INTS14: variants seen among roughly 807,000 people sequenced by gnomAD.
INTS14 encodes UPF0464 protein C15orf44.
A neutral mutation model predicts 56.9 loss-of-function variants in INTS14; 27 were observed. The observed-to-expected ratio is 0.47, with a 90% CI of 0.35 to 0.65. The LOEUF (loss-of-function observed/expected upper bound fraction) is 0.65, where lower values mean the gene tolerates loss of function less well. INTS14 is among the 30% of genes least tolerant of loss of function. INTS14 has a pLI of 0.00. For missense variants in INTS14, 517 were observed against 632.2 expected (o/e 0.82, Z 1.95); for synonymous variants, 207 against 236.2 (o/e 0.88, Z 1.13).
intron 3 of INTS14, among the ~76,000 whole-genome samples, chr15:65,604,114 C>G (rs750531094): frequency 2.6e-5 from 4 of 152,176 alleles, no homozygotes; most frequent in African/African-American, 9.6e-5. Flanking sequence ...CACACAGTCT[C>G]GCTCTGTCGC....
At chr15:65,599,196 C>T (rs995404948) in intron 4 of INTS14, among the ~76,000 whole-genome samples, 1 of 152,172 alleles carries the variant, frequency 6.6e-6, no homozygotes. Context: ...ACAGGTAGAG[C>T]TATTTCATTC....
intron 1 of INTS14, among the ~76,000 whole-genome samples, chr15:65,608,364 CAA>C (rs35399300): frequency 0.028 from 1,791 of 63,928 alleles, 27 homozygotes; most frequent in African/African-American, 0.097. Flanking sequence ...GGCTCCATCT[CAA>C]AAAAAAAAAA....
chr15:65,584,042 G>A (rs2072728281), intron 10 of INTS14, among the ~76,000 whole-genome samples: 1 of 152,104 alleles, frequency 6.6e-6, no homozygotes, highest in African/African-American at 2.4e-5. Context: ...GTGCTCAAAG[G>A]AGAAAAAAGT....
intron 9 of INTS14, among the ~76,000 whole-genome samples, chr15:65,585,984 T>C (rs2072805257): frequency 6.6e-6 from 1 of 152,198 alleles, no homozygotes; most frequent in Non-Finnish European, 1.5e-5. Context: ...GCTAAGGTCC[T>C]GCAAGTCCTT....
rs879425803 is a variant in INTS14, at chr15:65,611,057, G to C, written c.-63+41C>G. On this transcript the variant is annotated intron_variant, in intron 1 of 11. Coordinates refer to ENST00000313182, the MANE Select transcript of INTS14 (RefSeq NM_001394796.1). ...ACCCCTTCACCTGTAACCCCAACAA[G>C]CAGCGAAAGGCAGTCCCGGGCCCTC... 5 of 1,535,576 alleles carry C rather than the reference G, an allele frequency of 3.3e-6. No individual in the cohort carries two copies. In the Admixed American group the frequency reaches 9.8e-5, roughly 30 times the overall value.
At chr15:65,582,563 G>A (rs564625275) in intron 10 of INTS14, among the ~76,000 whole-genome samples, 1 of 152,212 alleles carries the variant, frequency 6.6e-6, no homozygotes, top group Non-Finnish European at 1.5e-5. Flanking sequence ...CCTGGGCAAC[G>A]TAGTGAGATG....
intron 1 of INTS14, among the ~76,000 whole-genome samples, chr15:65,609,022 C>T (rs569317597): frequency 5.3e-5 from 8 of 152,214 alleles, no homozygotes; most frequent in East Asian, 1.9e-4. Flanking sequence ...CTCAGCCTCC[C>T]GAGTAGCCGG....
chr15:65,582,154 C>T, intron 10 of INTS14, 135 bp from the exon 11 acceptor site: 1 of 751,762 alleles, frequency 1.3e-6, no homozygotes, highest in East Asian at 2.8e-5. Context: ...AGGATCCCTT[C>T]TGAGTTAATG....
chr15:65,594,874 G>C (rs181186453), intron 7 of INTS14, among the ~76,000 whole-genome samples: 443 of 152,220 alleles, frequency 2.9e-3, no homozygotes, highest in Non-Finnish European at 4.5e-3. Flanking sequence ...AAAGCTGTCT[G>C]TGGGTATATA....
chr15:65,585,005 T>C, intron 9 of INTS14, 117 bp from the exon 10 acceptor site: 3 of 860,058 alleles, frequency 3.5e-6, no homozygotes, highest in Non-Finnish European at 5.1e-6. Context: ...ACTTTGTTAA[T>C]TAAGAAAATC....
intron 7 of INTS14, among the ~76,000 whole-genome samples, chr15:65,595,424 G>A (rs537041533): frequency 1.2e-4 from 19 of 152,280 alleles, no homozygotes; most frequent in Admixed American, 3.9e-4. Context: ...AACTACTTAA[G>A]CTTTCTCAGC....
Position 65,607,361 on chromosome 15 carries a change from A to G in INTS14, c.20T>C (p.Met7Thr). ...TCGGGTCATGGAAAGGGATACATCCATTACCACCACTGTCGGCATGATGAA... is the reference window on the plus strand; with the variant it reads ...TCGGGTCATGGAAAGGGATACATCCGTTACCACCACTGTCGGCATGATGAA... MPTVVV[M>T]DVSLSMTRPV... The change falls in exon 2 of 12, where the codon ATG (methionine) becomes ACG (threonine). Residue 7 changes from methionine to threonine, a missense_variant. By Grantham distance (81) the Met-to-Thr change is moderately conservative. Coordinates refer to ENST00000313182, the MANE Select transcript of INTS14 (RefSeq NM_001394796.1). 6.2e-7 allele frequency: 1 copy of G among 1,614,230 alleles called. No individual in the cohort carries two copies. The highest frequency in any genetic ancestry group is 8.5e-7 in the Non-Finnish European group (1 of 1,180,028).
chr15:65,581,046 C>A (rs1339172242), intron 11 of INTS14, among the ~76,000 whole-genome samples: 1 of 152,152 alleles, frequency 6.6e-6, no homozygotes, highest in African/African-American at 2.4e-5. Flanking sequence ...GAGTTCGGGA[C>A]CAGCCTGGCC....
In INTS14 at chr15:65,598,385, G is replaced by A. The variant is rs1194585879; in HGVS notation, c.684C>T (p.Phe228=). The change falls in exon 6 of 12, where the codon TTC becomes TTT. Residue 228 remains phenylalanine (F), a synonymous_variant. Transcript: ENST00000313182. ...CTACAACAAAAGGTTCTGGCCTGGG[G>A]AAGACTTGTACATCAGCAGTTAGGT... is the stretch of plus-strand genomic sequence containing the variant. ...CGHLTADVQV[F]PRPEPFVVDE... The A allele has an allele frequency of 8.7e-6, 14 of 1,614,070 alleles. No homozygotes were observed. The highest frequency in any genetic ancestry group is 1.7e-5 in the Admixed American group (1 of 60,022).
intron 3 of INTS14, among the ~76,000 whole-genome samples, chr15:65,604,165 C>G (rs952236027): frequency 6.6e-6 from 1 of 152,182 alleles, no homozygotes; most frequent in Non-Finnish European, 1.5e-5. Context: ...TGACTGCAAC[C>G]TCTGCCTCCC....
rs1210656578 is a variant in INTS14 at position 65,582,020 on chromosome 15, C to T, written c.1240-1G>A. Reference sequence around the variant, plus strand: ...TTCTTAAAATCTTCTGTACATCTGTCTATTAAGGGTAAAAAAAAAAATCCA... The same window carrying T: ...TTCTTAAAATCTTCTGTACATCTGTTTATTAAGGGTAAAAAAAAAAATCCA... On this transcript the variant is annotated splice_acceptor_variant, in intron 10 of 11. Coordinates refer to ENST00000313182, the MANE Select transcript of INTS14 (RefSeq NM_001394796.1). LOFTEE classifies it high-confidence loss of function. 1.3e-6 allele frequency: 2 copies of T among 1,585,240 alleles called. No homozygotes were observed. Among genetic ancestry groups the T allele is most frequent in the Non-Finnish European group, 1.7e-6 (2 of 1,171,704 alleles).
intron 9 of INTS14, among the ~76,000 whole-genome samples, chr15:65,587,751 T>C (rs1172832336): frequency 6.6e-6 from 1 of 151,564 alleles, no homozygotes; most frequent in Non-Finnish European, 1.5e-5. Flanking sequence ...GAGGCTAAGG[T>C]GGAGGATTGC....
chr15:65,589,988 G>C (rs11632310), intron 9 of INTS14, among the ~76,000 whole-genome samples: 85,884 of 151,958 alleles, frequency 0.57, 26,783 homozygotes, highest in African/African-American at 0.83. Flanking sequence ...TCTTCTCTCT[G>C]TATTATCTAT....
chr15:65,605,630 T>A (rs1445869514), intron 2 of INTS14, among the ~76,000 whole-genome samples: 1 of 152,208 alleles, frequency 6.6e-6, no homozygotes, highest in Non-Finnish European at 1.5e-5. Flanking sequence ...AACTATAAGG[T>A]ATAGATTATT....
Sources: gnomAD v4.1 joint callset for allele counts (sites outside exome capture counted in the v4.1 genomes callset) on GRCh38, gnomAD v4.1.1 for gene constraint, MANE v1.5 for transcripts, NCBI Gene and HGNC (gene_info 2026-07-23, HGNC 2026-07-21) for gene names.